CNTN4: variants seen among roughly 807,000 people sequenced by gnomAD.
The protein encoded by CNTN4 is contactin 4, also known as contactin-4.
Under a neutral mutation model 122.5 loss-of-function variants are expected in CNTN4, and 77 were observed. The ratio of observed to expected loss-of-function variants is 0.63; its 90% CI spans 0.52 to 0.76. The LOEUF (loss-of-function observed/expected upper bound fraction) is 0.76. Ranked by LOEUF, CNTN4 falls within the 30% of genes least tolerant of loss-of-function variation. The pLI, the probability that CNTN4 is intolerant of heterozygous loss-of-function variation, is 0.00. For synonymous variants in CNTN4, 512 were observed against 447.0 expected (o/e 1.15, Z -1.83); for missense variants, 1,256 against 1,259.1 (o/e 1.00, Z 0.04).
At chr3:2,541,600 C>A (rs1030407514) in intron 3 of CNTN4, among the ~76,000 whole-genome samples, 3 of 152,048 alleles carry the variant, frequency 2.0e-5, no homozygotes, top group African/African-American at 7.2e-5. Flanking sequence ...TGTCACATAT[C>A]ATTTTCTCAG....
intron 24 of CNTN4, 64 bp downstream of exon 24, chr3:3,054,039 G>T: frequency 6.5e-7 from 1 of 1,543,770 alleles, no homozygotes; most frequent in South Asian, 1.1e-5. Context: ...TTCCAGATGA[G>T]TCAGGGCTTG....
At chr3:2,242,706 G>A (rs575177499) in intron 2 of CNTN4, among the ~76,000 whole-genome samples, 13 of 152,174 alleles carry the variant, frequency 8.5e-5, no homozygotes, top group Non-Finnish European at 1.0e-4. Context: ...AGATGGATCT[G>A]GACATTTCAC....
intron 13 of CNTN4, chr3:2,927,355 A>G (rs2094482800): frequency 2.2e-6 from 1 of 455,466 alleles, no homozygotes; most frequent in Non-Finnish European, 4.4e-6. Flanking sequence ...CTGGTGGACC[A>G]AGATGCTCTG....
At chr3:2,562,471 A>T (rs2078997784) in intron 3 of CNTN4, among the ~76,000 whole-genome samples, 1 of 152,084 alleles carries the variant, frequency 6.6e-6, no homozygotes, top group Non-Finnish European at 1.5e-5. Context: ...TGTAAGTGAG[A>T]TCACCCAGTA....
chr3:2,892,215 G>C, intron 10 of CNTN4: 1 of 152,288 alleles, frequency 6.6e-6, no homozygotes. Context: ...TCTGGGTCTC[G>C]TTCTATGTTC....
intron 4 of CNTN4, among the ~76,000 whole-genome samples, chr3:2,663,097 G>A (rs1287961707): frequency 1.5e-5 from 2 of 135,286 alleles, no homozygotes; most frequent in African/African-American, 6.0e-5. Context: ...GTGAGACTCT[G>A]TCTCAGAAGA....
At chr3:2,973,483 G>A (rs1451839650) in intron 13 of CNTN4, among the ~76,000 whole-genome samples, 2 of 151,938 alleles carry the variant, frequency 1.3e-5, no homozygotes, top group East Asian at 1.9e-4. Context: ...CAAAACCATT[G>A]TGCATAGCTT....
intron 4 of CNTN4, among the ~76,000 whole-genome samples, chr3:2,694,127 T>G (rs2149211386): frequency 6.6e-6 from 1 of 152,302 alleles, no homozygotes; most frequent in South Asian, 2.1e-4. Flanking sequence ...ATCCTCTCTC[T>G]TTAATGTCTA....
intron 2 of CNTN4, among the ~76,000 whole-genome samples, chr3:2,167,392 A>C (rs550665478): frequency 4.6e-5 from 7 of 152,192 alleles, no homozygotes; most frequent in African/African-American, 1.2e-4. Flanking sequence ...CACTTCAAAT[A>C]ATAAATAATT....
chr3:2,809,219 G>C (rs56840077), intron 6 of CNTN4, among the ~76,000 whole-genome samples: 2,000 of 152,302 alleles, frequency 0.013, 39 homozygotes, highest in African/African-American at 0.045. Context: ...AGTAACTGGA[G>C]TCAGGTCACG....
rs1359685736 is a variant in CNTN4, at chr3:2,925,685, G to A, written c.1264G>A (p.Gly422Arg). Residue 422 changes from glycine to arginine, a missense_variant, in exon 13 of 25, where the codon GGA becomes AGA. Coordinates refer to ENST00000418658, the MANE Select transcript of CNTN4 (RefSeq NM_175607.3). ...LLKRVTLVKV[G>R]GEVVIECKPK... ...GAAAAGAGTAACTCTTGTCAAAGTG[G>A]GAGGTGAAGTTGTCATTGAGTGTAA... 4 of 1,613,908 alleles carry A rather than the reference G, an allele frequency of 2.5e-6. No homozygotes were observed. The African/African-American group carries it at 4.0e-5, about 16-fold the overall frequency.
intron 4 of CNTN4, among the ~76,000 whole-genome samples, chr3:2,581,669 G>A (rs990461344): frequency 6.6e-6 from 1 of 152,118 alleles, no homozygotes; most frequent in Middle Eastern, 3.2e-3. Context: ...CCTGCAAATT[G>A]CATTGACCAA....
chr3:2,588,785 TAAAAAAAAA>T (rs11334608), intron 4 of CNTN4, among the ~76,000 whole-genome samples: 1 of 118,716 alleles, frequency 8.4e-6, no homozygotes. Flanking sequence ...CTTCCAGCTC[TAAAAAAAAA>T]AAAAAAAAAA....
chr3:2,615,929 A>G (rs879437011), intron 4 of CNTN4, among the ~76,000 whole-genome samples: 12 of 152,120 alleles, frequency 7.9e-5, no homozygotes, highest in African/African-American at 2.7e-4. Context: ...AGAGTAATCT[A>G]TTCCTTAAAT....
chr3:2,186,749 A>G (rs1022408673), intron 2 of CNTN4, among the ~76,000 whole-genome samples: 1 of 152,142 alleles, frequency 6.6e-6, no homozygotes, highest in African/African-American at 2.4e-5. Context: ...GTGTCTGTTC[A>G]TATCCTTTGC....
chr3:2,929,644 A>G (rs935456497), intron 13 of CNTN4, among the ~76,000 whole-genome samples: 4 of 152,154 alleles, frequency 2.6e-5, no homozygotes, highest in Non-Finnish European at 4.4e-5. Context: ...TCTCACCTGC[A>G]CCTTTGGCTG....
intron 2 of CNTN4, among the ~76,000 whole-genome samples, chr3:2,301,814 C>T (rs898135395): frequency 6.6e-6 from 1 of 152,116 alleles, no homozygotes; most frequent in African/African-American, 2.4e-5. Context: ...ACTGGCTTCC[C>T]CTGTCTTTAA....
At chr3:2,512,036 A>G (rs1212956915) in intron 3 of CNTN4, among the ~76,000 whole-genome samples, 1 of 152,132 alleles carries the variant, frequency 6.6e-6, no homozygotes, top group Non-Finnish European at 1.5e-5. Flanking sequence ...TGTAAGTAAA[A>G]CTAATATATA....
intron 13 of CNTN4, among the ~76,000 whole-genome samples, chr3:2,983,506 T>C (rs1185622558): frequency 6.6e-6 from 1 of 152,176 alleles, no homozygotes; most frequent in Non-Finnish European, 1.5e-5. Context: ...TGGCTAACTC[T>C]GGTCTATTCA....
Sources: gnomAD v4.1 joint callset for allele counts (sites outside exome capture counted in the v4.1 genomes callset) on GRCh38, gnomAD v4.1.1 for gene constraint, MANE v1.5 for transcripts, NCBI Gene and HGNC (gene_info 2026-07-23, HGNC 2026-07-21) for gene names.